CNST: variants seen among roughly 807,000 people sequenced by gnomAD.
CNST encodes consortin, connexin sorting protein, also known as consortin.
A neutral mutation model predicts 72.4 loss-of-function variants in CNST; 39 were observed. That is an observed-to-expected ratio of 0.54 (90% confidence interval 0.42 to 0.70). CNST has a LOEUF of 0.70. CNST is among the 30% of genes least tolerant of loss of function. The pLI is 0.00. For missense variants in CNST, 871 were observed against 868.5 expected, an observed-to-expected ratio of 1.00 and a Z score of -0.04; for synonymous variants, 332 against 320.1, an observed-to-expected ratio of 1.04 and a Z score of -0.40.
rs572539574 is a variant in CNST at position 246,591,979 on chromosome 1, A to T, written c.379+38A>T. ...ATAGTATTTATCCTCTTCTTTAATT[A>T]ATTAAAAATGAACCTCCTTCCCTCC... On this transcript the variant is annotated intron_variant, in intron 2 of 10. Transcript: ENST00000366513. 4.8e-5 allele frequency: 72 copies of T among 1,498,058 alleles called. No individual in the cohort carries two copies. In the African/African-American group the frequency reaches 9.2e-4, roughly 19 times the overall value. 92.8% of individuals were successfully genotyped at this position (1,498,058 alleles called of 1,614,324 possible).
At chr1:246,625,882 G>T (rs780215792) in intron 3 of CNST, among the ~76,000 whole-genome samples, 7 of 152,040 alleles carry the variant, frequency 4.6e-5, no homozygotes, top group Non-Finnish European at 1.0e-4. Context: ...TTTCCATGTT[G>T]TTAAATCCGG....
chr1:246,574,309 G>A (rs939688804), intron 1 of CNST, among the ~76,000 whole-genome samples: 1 of 152,132 alleles, frequency 6.6e-6, no homozygotes, highest in African/African-American at 2.4e-5. Context: ...CCAAAGTGTT[G>A]GGATTACAGG....
chr1:246,633,871 T>C (rs1297623798), intron 4 of CNST, 53 bp from the exon 5 acceptor site: 45 of 1,201,956 alleles, frequency 3.7e-5, no homozygotes, highest in East Asian at 3.5e-4. Context: ...TCTTCAAATA[T>C]GGGAATAATG....
chr1:246,642,102 G>C, intron 8 of CNST, 65 bp downstream of exon 8: 1 of 599,914 alleles, frequency 1.7e-6, no homozygotes, highest in Non-Finnish European at 2.7e-6. Context: ...TCTTTTACAA[G>C]TGATACATCT....
At chr1:246,612,550 A>T (rs1274736264) in intron 2 of CNST, among the ~76,000 whole-genome samples, 1 of 152,122 alleles carries the variant, frequency 6.6e-6, no homozygotes, top group Non-Finnish European at 1.5e-5. Context: ...AATGTTTAAA[A>T]TGTTAAATTT....
In CNST at chr1:246,577,114, G is replaced by T. The variant is rs149292521; in HGVS notation, c.-52+10451G>T. On this transcript the variant is annotated intron_variant, in intron 1 of 10. Coordinates refer to ENST00000366513, the MANE Select transcript of CNST (RefSeq NM_152609.3). ...GGCTGTTTTGAAGATTACTAAGATGGGCATCTTTCATTTCAGTAGGGAAAA... is the reference window on the plus strand; with the variant it reads ...GGCTGTTTTGAAGATTACTAAGATGTGCATCTTTCATTTCAGTAGGGAAAA... Among the ~76,000 whole-genome samples, 894 of 152,056 alleles carry T rather than the reference G, an allele frequency of 5.9e-3. 15 individuals are homozygous for T. The highest frequency in any genetic ancestry group is 0.021 in the African/African-American group (852 of 41,380).
intron 9 of CNST, among the ~76,000 whole-genome samples, chr1:246,649,049 T>C (rs1416245099): frequency 1.3e-5 from 2 of 152,214 alleles, no homozygotes; most frequent in Admixed American, 1.3e-4. Flanking sequence ...TTAATTTTTT[T>C]CTTGCCAAAA....
chr1:246,617,098 A>G (rs1558561448), intron 2 of CNST, among the ~76,000 whole-genome samples: 1 of 152,202 alleles, frequency 6.6e-6, no homozygotes, highest in African/African-American at 2.4e-5. Context: ...TGCTTTTACT[A>G]AAAATAAGCT....
intron 6 of CNST, 43 bp from the exon 7 acceptor site, chr1:246,641,706 T>A: frequency 8.9e-7 from 1 of 1,117,406 alleles, no homozygotes; most frequent in Non-Finnish European, 1.3e-6. Flanking sequence ...ATATTGCTGC[T>A]GTAATTTTTT....
intron 9 of CNST, among the ~76,000 whole-genome samples, chr1:246,655,130 A>G (rs1666703678): frequency 6.6e-6 from 1 of 152,196 alleles, no homozygotes; most frequent in South Asian, 2.1e-4. Context: ...TACTTACTAA[A>G]TTGCCCCCTT....
chr1:246,606,046 C>T (rs1176458744), intron 2 of CNST: 4 of 152,184 alleles, frequency 2.6e-5, no homozygotes, highest in Non-Finnish European at 4.4e-5. Flanking sequence ...TTCTCCATAA[C>T]TACTTCAGGT....
intron 8 of CNST, among the ~76,000 whole-genome samples, chr1:246,646,827 T>C (rs1444909220): frequency 6.6e-6 from 1 of 152,240 alleles, no homozygotes; most frequent in African/African-American, 2.4e-5. Flanking sequence ...TGTAACTTCA[T>C]TTTAATGTAA....
chr1:246,596,536 A>G (rs1433644324), intron 2 of CNST, among the ~76,000 whole-genome samples: 1 of 152,226 alleles, frequency 6.6e-6, no homozygotes, highest in Non-Finnish European at 1.5e-5. Context: ...GAGAAAAACA[A>G]TGGAAATTAA....
intron 2 of CNST, among the ~76,000 whole-genome samples, chr1:246,605,570 C>T (rs1420593349): frequency 6.6e-6 from 1 of 152,112 alleles, no homozygotes; most frequent in African/African-American, 2.4e-5. Flanking sequence ...TTTACAGTCT[C>T]CTGTAAACAG....
intron 2 of CNST, among the ~76,000 whole-genome samples, chr1:246,605,003 T>C (rs1453482665): frequency 6.6e-5 from 10 of 152,216 alleles, no homozygotes; most frequent in Admixed American, 6.5e-4. Context: ...CATGCCTTTA[T>C]ATTTGTTAGA....
chr1:246,619,493 C>T (rs1049116321), intron 2 of CNST, among the ~76,000 whole-genome samples: 1 of 152,102 alleles, frequency 6.6e-6, no homozygotes. Context: ...CCTGTGCTGC[C>T]AGCGTTGATG....
chr1:246,603,460 AC>A (rs768630680), intron 2 of CNST, among the ~76,000 whole-genome samples: 4 of 152,198 alleles, frequency 2.6e-5, no homozygotes, highest in South Asian at 2.1e-4. Flanking sequence ...TCTAGGCATC[AC>A]TGATAGGGTG....
At chr1:246,610,503 C>T (rs534456644) in intron 2 of CNST, among the ~76,000 whole-genome samples, 3 of 152,160 alleles carry the variant, frequency 2.0e-5, no homozygotes, top group African/African-American at 7.2e-5. Context: ...CCAGAATGGG[C>T]CACACTGTAC....
chr1:246,602,116 C>T (rs1217538264), intron 2 of CNST, among the ~76,000 whole-genome samples: 1 of 152,120 alleles, frequency 6.6e-6, no homozygotes, highest in African/African-American at 2.4e-5. Context: ...ACAGACTGCA[C>T]CATTTCCAGG....
Sources: allele counts gnomAD v4.1 joint callset (sites outside exome capture counted in the v4.1 genomes callset), GRCh38; gene constraint gnomAD v4.1.1; transcripts MANE v1.5; gene names NCBI Gene and HGNC (gene_info 2026-07-23, HGNC 2026-07-21).